The following APBB1 variants were observed in gnomAD, a reference collection of about 807,000 sequenced individuals.
APBB1 encodes the protein adaptor protein FE65a2.
APBB1 carries 22 observed loss-of-function variants against 78.4 expected under a neutral mutation model. The ratio of observed to expected loss-of-function variants is 0.28; its 90% CI spans 0.20 to 0.40. APBB1 has a LOEUF of 0.40. Ranked by LOEUF, APBB1 falls within the 10% of genes least tolerant of loss-of-function variation. The pLI is 1.00. For missense variants in APBB1, 749 were observed against 932.4 expected (o/e 0.80, Z 2.56); for synonymous variants, 369 against 372.7 (o/e 0.99, Z 0.12).
Position 6,395,697 on chromosome 11 carries a change from C to T in APBB1, c.1970G>A (p.Arg657His), listed in dbSNP as rs765722083. 6 of 1,586,564 alleles carry T rather than the reference C, an allele frequency of 3.8e-6. No individual in the cohort carries two copies. Among genetic ancestry groups the T allele is most frequent in the African/African-American group, 1.3e-5 (1 of 74,288 alleles). ...ACGGGCATCCAGACACTTCTGGTAG[C>T]GAAGCTGCGGAGGCAAGCAGGGCAG... ...SEAVQAACML[R>H]YQKCLDARSQ... is the part of the protein sequence containing the mutation. Residue 657 changes from arginine to histidine, a missense_variant, in exon 15 of 15, where the codon CGC becomes CAC. Transcript: ENST00000609360. The surrounding 1 kb of genome is among the most constrained non-coding windows in gnomAD (Gnocchi z 5.2).
At chr11:6,404,543 G>A (rs79402417) in intron 2 of APBB1, 13 of 1,516,566 alleles carry the variant, frequency 8.6e-6, no homozygotes, top group East Asian at 7.4e-5. Context: ...CACCACAGAC[G>A]CTCACTTCCT....
rs749282322 is a variant in APBB1, at chr11:6,395,639, G to C, written c.2028C>G (p.Pro676=). 1 of 1,596,584 alleles carries C rather than the reference G, an allele frequency of 6.3e-7. No homozygotes were observed. The highest frequency in any genetic ancestry group is 8.5e-7 in the Non-Finnish European group (1 of 1,170,186). ...CACGCCGTGCCACAGACTCAGCAGG[G>C]GGTGCTGGGAGGCAGGAGGTGGAGG... is the stretch of plus-strand genomic sequence containing the variant. ...SQASTSCLPA[P]PAESVARRVG... is the part of the protein sequence containing the mutation. Residue 676 remains proline, a synonymous_variant, in exon 15 of 15, where the codon CCC becomes CCG. Coordinates refer to ENST00000609360, the MANE Select transcript of APBB1 (RefSeq NM_001164.5). The surrounding 1 kb of genome is among the most constrained non-coding windows in gnomAD (Gnocchi z 5.2).
chr11:6,403,734 G>A lies in APBB1; in HGVS notation c.810C>T (p.Tyr270=). The change falls in exon 3 of 15, where the codon TAC becomes TAT. Residue 270 remains tyrosine (Y), a synonymous_variant. Coordinates refer to ENST00000609360, the MANE Select transcript of APBB1 (RefSeq NM_001164.5). The surrounding 1 kb of genome is among the most constrained non-coding windows in gnomAD (Gnocchi z 5.3). ...MRVQDTSGTY[Y]WHIPTGTTQW... is the part of the protein sequence containing the mutation. Reference sequence around the variant, plus strand: ...GGGTGGTCCCTGTTGGGATGTGCCAGTAATAGGTCCCTGAGGTGTCCTGGA... The same window carrying A: ...GGGTGGTCCCTGTTGGGATGTGCCAATAATAGGTCCCTGAGGTGTCCTGGA... 1 of 1,610,232 alleles carries A rather than the reference G, an allele frequency of 6.2e-7. No individual in the cohort carries two copies. The highest frequency in any genetic ancestry group is 8.5e-7 in the Non-Finnish European group (1 of 1,177,382).
chr11:6,395,632 C>T lies in APBB1; in HGVS notation c.2035G>A (p.Glu679Lys), dbSNP rs747767463. 2 of 1,597,456 alleles carry T rather than the reference C, an allele frequency of 1.3e-6. No individual in the cohort carries two copies. The highest frequency in any genetic ancestry group is 1.7e-6 in the Non-Finnish European group (2 of 1,170,584). The stretch of plus-strand genomic sequence containing the variant: ...CACCCTACACGCCGTGCCACAGACT[C>T]AGCAGGGGGTGCTGGGAGGCAGGAG... ...STSCLPAPPA[E>K]SVARRVGWTV... is the part of the protein sequence containing the mutation. Residue 679 changes from glutamate (E) to lysine (K), a missense_variant, in exon 15 of 15, where the codon GAG becomes AAG. This residue lies in a region of APBB1 where 96 missense variants were observed against 116.0 expected (regional missense o/e 0.83). Coordinates refer to ENST00000609360, the MANE Select transcript of APBB1 (RefSeq NM_001164.5). The surrounding 1 kb of genome is among the most constrained non-coding windows in gnomAD (Gnocchi z 5.2).
chr11:6,402,860 G>C, intron 6 of APBB1, 135 bp from the exon 7 acceptor site: 1 of 1,160,090 alleles, frequency 8.6e-7, no homozygotes, highest in East Asian at 2.5e-5. Flanking sequence ...TGTGGTTAGG[G>C]AGAGGGGGAT....
Position 6,403,694 on chromosome 11 carries a change from CG to C in APBB1, c.849del (p.Gly284AlafsTer48). 3 of 1,608,720 alleles carry C rather than the reference CG, an allele frequency of 1.9e-6. No homozygotes were observed. The highest frequency in any genetic ancestry group is 2.5e-6 in the Non-Finnish European group (3 of 1,176,652). On this transcript the variant is annotated frameshift_variant, in exon 3 of 15. Coordinates refer to ENST00000609360, the MANE Select transcript of APBB1 (RefSeq NM_001164.5). LOFTEE classifies it high-confidence loss of function. The surrounding 1 kb of genome is among the most constrained non-coding windows in gnomAD (Gnocchi z 5.3). ...IPTGTTQWEPPGRASPSQGSS... is the reference protein window; with the variant it reads ...IPTGTTQWEPXGRASPSQGSS... ...CTCCCCTGTGAGGGGGAGGCCCGGCCGGGGGGTTCCCACTGGGTGGTCCCTG... is the reference window on the plus strand; with the variant it reads ...CTCCCCTGTGAGGGGGAGGCCCGGCCGGGGGTTCCCACTGGGTGGTCCCTG...
chr11:6,396,626 T>G, intron 12 of APBB1: 1 of 205,230 alleles, frequency 4.9e-6, no homozygotes. Context: ...CAATTATTTT[T>G]TAAGATATCT....
At chr11:6,416,549 G>C (rs920265612) in intron 1 of APBB1, among the ~76,000 whole-genome samples, 1 of 152,076 alleles carries the variant, frequency 6.6e-6, no homozygotes, top group African/African-American at 2.4e-5. Flanking sequence ...TCAGGATCCC[G>C]GCTCATGGAA....
At chr11:6,418,479 T>C (rs910343751) in intron 1 of APBB1, among the ~76,000 whole-genome samples, 3 of 152,226 alleles carry the variant, frequency 2.0e-5, no homozygotes, top group East Asian at 1.9e-4. Context: ...AGGTTAGGAA[T>C]TGGCAGTGGG....
chr11:6,411,509 T>G lies in APBB1; in HGVS notation c.-14-148A>C. On this transcript the variant is annotated intron_variant, in intron 1 of 14. Coordinates refer to ENST00000609360, the MANE Select transcript of APBB1 (RefSeq NM_001164.5). This position sits in a 1 kb window ranked among gnomAD's most constrained non-coding sequence, Gnocchi z 5.2. ...TGGCTCTCTATCCTATGAGAATGACTGGGTTCAACTTCTGTCCCAGCACTA... is the reference window on the plus strand; with the variant it reads ...TGGCTCTCTATCCTATGAGAATGACGGGGTTCAACTTCTGTCCCAGCACTA... 1.5e-6 allele frequency: 1 copy of G among 688,108 alleles called. No homozygotes were observed. Among genetic ancestry groups the G allele is most frequent in the East Asian group, 2.8e-5 (1 of 35,640 alleles). 42.6% of individuals were successfully genotyped at this position (688,108 alleles called of 1,614,324 possible).
chr11:6,402,656 C>G lies in APBB1; in HGVS notation c.1174G>C (p.Val392Leu), dbSNP rs200624007. 1 of 1,614,174 alleles carries G rather than the reference C, an allele frequency of 6.2e-7. No homozygotes were observed. Among genetic ancestry groups the G allele is most frequent in the East Asian group, 2.2e-5 (1 of 44,878 alleles). The change falls in exon 7 of 15, where the codon GTG (valine) becomes CTG (leucine). Residue 392 changes from valine (V) to leucine (L), a missense_variant. Coordinates refer to ENST00000609360, the MANE Select transcript of APBB1 (RefSeq NM_001164.5). ...TGACGGATGCAATTGTTGACTGCCA[C>G]ACTGCTGCGTCCAGGGGCCAGCTCC... ...EEELAPGRSS[V>L]AVNNCIRQLS...
At chr11:6,398,206 G>T (rs1370065486) in intron 12 of APBB1, among the ~76,000 whole-genome samples, 1 of 151,990 alleles carries the variant, frequency 6.6e-6, no homozygotes, top group Admixed American at 6.5e-5. Flanking sequence ...CCCTAATCCT[G>T]CTGTGCTTTT....
At chr11:6,416,116 G>C (rs1849110587) in intron 1 of APBB1, among the ~76,000 whole-genome samples, 1 of 152,166 alleles carries the variant, frequency 6.6e-6, no homozygotes, top group Admixed American at 6.5e-5. Flanking sequence ...TGCTCGTCTT[G>C]GTTGTCCTCC....
Position 6,403,553 on chromosome 11 carries a change from A to C in APBB1, c.898-9T>G, listed in dbSNP as rs1204711985. ...AAACCTGTCCAGGTGAGCTAGGAGG[A>C]GGGATGGGAGTAGTGAGTGAGTGTC... On this transcript the variant is annotated splice_polypyrimidine_tract_variant and intron_variant, in intron 3 of 14. Coordinates refer to ENST00000609360, the MANE Select transcript of APBB1 (RefSeq NM_001164.5). This position sits in a 1 kb window ranked among gnomAD's most constrained non-coding sequence, Gnocchi z 5.3. The C allele has an allele frequency of 6.2e-7, 1 of 1,614,182 alleles. No homozygotes were observed. The highest frequency in any genetic ancestry group is 2.2e-5 in the East Asian group (1 of 44,876).
At chr11:6,410,129 T>C (rs148592869) in intron 2 of APBB1, among the ~76,000 whole-genome samples, 13 of 151,052 alleles carry the variant, frequency 8.6e-5, no homozygotes, top group African/African-American at 2.2e-4. Context: ...CCTGAGTGCA[T>C]TGTGCTCTAT....
intron 1 of APBB1, 55 bp downstream of exon 1, chr11:6,418,930 G>A (rs1849188748): frequency 2.6e-6 from 1 of 381,656 alleles, no homozygotes. Context: ...TCCGCCGGCC[G>A]CTGGTGATCG....
rs778312139 is a variant in APBB1, at chr11:6,411,130, C to G, written c.218G>C (p.Gly73Ala). The change falls in exon 2 of 15, where the codon GGC becomes GCC. Residue 73 changes from glycine (G) to alanine (A), a missense_variant. Coordinates refer to ENST00000609360, the MANE Select transcript of APBB1 (RefSeq NM_001164.5). The surrounding 1 kb of genome is among the most constrained non-coding windows in gnomAD (Gnocchi z 5.2). ...GGCGGCCCGCCGGAGCTGGTTCTGG[C>G]CCTCTTTTAGCCACTTGGCATTGGC... Reference protein sequence around the residue: ...GPANAKWLKEGQNQLRRAATA... With the variant: ...GPANAKWLKEAQNQLRRAATA... The G allele has an allele frequency of 6.2e-7, 1 of 1,611,302 alleles. No individual in the cohort carries two copies. The highest frequency in any genetic ancestry group is 1.7e-5 in the Admixed American group (1 of 60,012).
rs916490216 is a variant in APBB1 at position 6,395,226 on chromosome 11, C to A, written c.*308G>T. 9 of 302,556 alleles carry A rather than the reference C, an allele frequency of 3.0e-5. No homozygotes were observed. Among genetic ancestry groups the A allele is most frequent in the African/African-American group, 1.9e-4 (9 of 46,234 alleles). The allele number at this position is 302,556 out of a possible 1,614,324, so 18.7% of individuals were successfully genotyped here. ...GGACCAGTCCCTTCCTCCTTCTGCC[C>A]CTGCTGGGTCCAGGAGGATGAGGCC... On this transcript the variant is annotated 3_prime_UTR_variant, in exon 15 of 15. Transcript: ENST00000609360. The surrounding 1 kb of genome is among the most constrained non-coding windows in gnomAD (Gnocchi z 5.2).
At chr11:6,417,164 C>T (rs1184908245) in intron 1 of APBB1, among the ~76,000 whole-genome samples, 2 of 152,204 alleles carry the variant, frequency 1.3e-5, no homozygotes, top group Non-Finnish European at 2.9e-5. Context: ...CTTCTGATTC[C>T]TCGAAGACAT....
Sources: allele counts gnomAD v4.1 joint callset (sites outside exome capture counted in the v4.1 genomes callset), GRCh38; gene constraint gnomAD v4.1.1; regional missense constraint gnomAD v4.1.1; non-coding constraint Gnocchi (gnomAD v3.1); transcripts MANE v1.5; gene names NCBI Gene and HGNC (gene_info 2026-07-23, HGNC 2026-07-21).